LRRC8B: variants seen among roughly 807,000 people sequenced by gnomAD.
The protein encoded by LRRC8B is leucine rich repeat containing 8 VRAC subunit B, also known as volume-regulated anion channel subunit LRRC8B.
A neutral mutation model predicts 58.8 loss-of-function variants in LRRC8B; 23 were observed. The observed-to-expected ratio is 0.39, with a 90% CI of 0.28 to 0.55. The LOEUF (loss-of-function observed/expected upper bound fraction) is 0.55. Ranked by LOEUF, LRRC8B falls within the 20% of genes least tolerant of loss-of-function variation. LRRC8B has a pLI of 0.62. For synonymous variants in LRRC8B, 359 were observed against 374.1 expected (o/e 0.96, Z 0.47); for missense variants, 694 against 936.0 (o/e 0.74, Z 3.37).
chr1:89,554,825 T>C (rs1258611439), intron 1 of LRRC8B, among the ~76,000 whole-genome samples: 1 of 152,104 alleles, frequency 6.6e-6, no homozygotes, highest in Non-Finnish European at 1.5e-5. Flanking sequence ...AAAACTACAC[T>C]TGTAGTTTTC....
chr1:89,568,920 G>T (rs1653230820), intron 3 of LRRC8B, among the ~76,000 whole-genome samples: 1 of 152,106 alleles, frequency 6.6e-6, no homozygotes, highest in African/African-American at 2.4e-5. Context: ...TTAAGTAAAA[G>T]ATGGCCATAC....
At chr1:89,535,218 C>A (rs953294380) in intron 1 of LRRC8B, among the ~76,000 whole-genome samples, 2 of 152,066 alleles carry the variant, frequency 1.3e-5, no homozygotes, top group African/African-American at 4.8e-5. Flanking sequence ...CAATAAGACT[C>A]CCAAAACCCC....
At chr1:89,550,102 C>G (rs1158384797) in intron 1 of LRRC8B, 1 of 152,148 alleles carries the variant, frequency 6.6e-6, no homozygotes, top group Non-Finnish European at 1.5e-5. Flanking sequence ...GCTACCAAGT[C>G]CTTCTAAGGG....
rs568373880 is a variant in LRRC8B at position 89,564,139 on chromosome 1, T to G, written c.-240-4108T>G. Among the ~76,000 whole-genome samples the G allele has an allele frequency of 2.0e-5, 3 of 152,346 alleles. No homozygotes were observed. In the South Asian group the frequency reaches 6.2e-4, roughly 32 times the overall value. Reference sequence around the variant, plus strand: ...ACAGATTAAACTTGAGTTATTCATCTTGTTATTAAATTGTTGGTAAATGTT... The same window carrying G: ...ACAGATTAAACTTGAGTTATTCATCGTGTTATTAAATTGTTGGTAAATGTT... On this transcript the variant is annotated intron_variant, in intron 1 of 5. Transcript: ENST00000330947.
intron 3 of LRRC8B, among the ~76,000 whole-genome samples, chr1:89,573,359 A>G (rs1653609471): frequency 6.6e-6 from 1 of 151,690 alleles, no homozygotes; most frequent in Non-Finnish European, 1.5e-5. Context: ...GAATTTTTCC[A>G]TGGTTTTAAT....
Position 89,587,136 on chromosome 1 carries a change from A to G in LRRC8B, c.2139+2347A>G, listed in dbSNP as rs569573449. 2.5e-3 allele frequency among the ~76,000 whole-genome samples: 379 copies of G among 152,278 alleles called. 3 individuals are homozygous for G. The highest frequency in any genetic ancestry group is 8.0e-3 in the African/African-American group (332 of 41,574). ...CATTCAAAGATTGAATGAGCACTTGAGGAGGGAAAAGTCATTTTCTTATTA... is the reference window on the plus strand; with the variant it reads ...CATTCAAAGATTGAATGAGCACTTGGGGAGGGAAAAGTCATTTTCTTATTA... On this transcript the variant is annotated intron_variant, in intron 5 of 5. Transcript: ENST00000330947.
intron 1 of LRRC8B, among the ~76,000 whole-genome samples, chr1:89,545,591 A>AT (rs1421563314): frequency 1.3e-5 from 2 of 152,222 alleles, no homozygotes; most frequent in Non-Finnish European, 2.9e-5. Flanking sequence ...GTTGTGTCAA[A>AT]TTTTAATAAA....
chr1:89,579,044 T>C (rs1654048914), intron 3 of LRRC8B, among the ~76,000 whole-genome samples: 1 of 152,192 alleles, frequency 6.6e-6, no homozygotes, highest in African/African-American at 2.4e-5. Flanking sequence ...ATTGGTAGGC[T>C]AAATTTTAGG....
intron 1 of LRRC8B, among the ~76,000 whole-genome samples, chr1:89,530,385 A>T (rs1056361670): frequency 8.0e-5 from 11 of 138,126 alleles, no homozygotes; most frequent in South Asian, 2.5e-4. Flanking sequence ...AATAAATAAT[A>T]AATAAATAAA....
Position 89,592,969 on chromosome 1 carries a change from G to A in LRRC8B, c.2338G>A (p.Val780Ile). 1 of 1,614,110 alleles carries A rather than the reference G, an allele frequency of 6.2e-7. No homozygotes were observed. Among genetic ancestry groups the A allele is most frequent in the Non-Finnish European group, 8.5e-7 (1 of 1,179,962 alleles). ...GTCCCTAAAACGGAACTGTCTGATT[G>A]TTGAGGAGAACTTGCTCAATACTCT... ...CQSLKRNCLIVEENLLNTLPL... is the reference protein window; with the variant it reads ...CQSLKRNCLIIEENLLNTLPL... Residue 780 changes from valine to isoleucine, a missense_variant, in exon 6 of 6, where the codon GTT becomes ATT. Val to Ile is a conservative substitution (Grantham distance 29). Transcript: ENST00000330947.
chr1:89,583,844 G>C lies in LRRC8B; in HGVS notation c.1194G>C (p.Gln398His), dbSNP rs774895030. The C allele has an allele frequency of 1.2e-6, 2 of 1,614,148 alleles. No individual in the cohort carries two copies. The highest frequency in any genetic ancestry group is 1.7e-6 in the Non-Finnish European group (2 of 1,180,020). The change falls in exon 5 of 6, where the codon CAG (glutamine) becomes CAC (histidine). Residue 398 changes from glutamine (Q) to histidine (H), a missense_variant. Physicochemically the swap from Gln to His is conservative, Grantham distance 24. Around this residue, in one of 5 missense-constraint regions of LRRC8B, gnomAD observed 162 missense variants for 198.5 expected, o/e 0.82. Coordinates refer to ENST00000330947, the MANE Select transcript of LRRC8B (RefSeq NM_001369817.2). The surrounding 1 kb of genome is among the most constrained non-coding windows in gnomAD (Gnocchi z 5.2). Reference sequence around the variant, plus strand: ...AGGTCAGTGAGAACAAACTGAAACAGATCAACCTCAATAATGAATGGACAG... The same window carrying C: ...AGGTCAGTGAGAACAAACTGAAACACATCAACCTCAATAATGAATGGACAG... ...LSEVSENKLK[Q>H]INLNNEWTVE...
intron 4 of LRRC8B, among the ~76,000 whole-genome samples, 168 bp downstream of exon 4, chr1:89,579,856 TG>T (rs1158828148): frequency 6.6e-6 from 1 of 152,218 alleles, no homozygotes; most frequent in Non-Finnish European, 1.5e-5. Flanking sequence ...TCAGGACCTT[TG>T]AGAGGACAAA....
At chr1:89,551,308 C>G (rs1651790639) in intron 1 of LRRC8B, among the ~76,000 whole-genome samples, 1 of 152,186 alleles carries the variant, frequency 6.6e-6, no homozygotes, top group Non-Finnish European at 1.5e-5. Flanking sequence ...GGATCAAGCT[C>G]TTGCTCACCA....
intron 1 of LRRC8B, among the ~76,000 whole-genome samples, chr1:89,563,196 C>G (rs1283608522): frequency 2.0e-5 from 3 of 151,944 alleles, no homozygotes; most frequent in Admixed American, 1.3e-4. Context: ...ACAAAATTTA[C>G]TTTTTAAACT....
At chr1:89,577,266 C>G (rs1418610007) in intron 3 of LRRC8B, among the ~76,000 whole-genome samples, 1 of 152,108 alleles carries the variant, frequency 6.6e-6, no homozygotes, top group Non-Finnish European at 1.5e-5. Flanking sequence ...TTTAGAAATG[C>G]TTTCAAAGTA....
In LRRC8B at chr1:89,582,753, A is replaced by C. The variant is rs1224914204; in HGVS notation, c.103A>C (p.Met35Leu). The C allele has an allele frequency of 6.2e-7, 1 of 1,614,212 alleles. No individual in the cohort carries two copies. Among genetic ancestry groups the C allele is most frequent in the Non-Finnish European group, 8.5e-7 (1 of 1,180,032 alleles). Reference sequence around the variant, plus strand: ...CTTCTGGTATTACATCACACTGATCATGCTGCTGGTGGCCGTGCTGGCCGG... The same window carrying C: ...CTTCTGGTATTACATCACACTGATCCTGCTGCTGGTGGCCGTGCTGGCCGG... ...DVFWYYITLI[M>L]LLVAVLAGAL... Residue 35 changes from methionine to leucine, a missense_variant, in exon 5 of 6, where the codon ATG (methionine) becomes CTG (leucine). Coordinates refer to ENST00000330947, the MANE Select transcript of LRRC8B (RefSeq NM_001369817.2).
intron 1 of LRRC8B, among the ~76,000 whole-genome samples, chr1:89,541,665 C>T (rs1359200150): frequency 4.7e-5 from 6 of 126,846 alleles, no homozygotes; most frequent in African/African-American, 1.8e-4. Flanking sequence ...GAGCCGAGAT[C>T]CCGCCACTGC....
intron 3 of LRRC8B, among the ~76,000 whole-genome samples, chr1:89,577,200 A>G (rs1653919658): frequency 6.6e-6 from 1 of 152,202 alleles, no homozygotes; most frequent in Non-Finnish European, 1.5e-5. Context: ...TCTTCTCAGT[A>G]TATAATGACA....
At chr1:89,587,788 C>G (rs985918711) in intron 5 of LRRC8B, 2 of 152,200 alleles carry the variant, frequency 1.3e-5, no homozygotes, top group Non-Finnish European at 2.9e-5. Context: ...GAAAAGATTG[C>G]AAAACCAAGC....
Sources: allele counts gnomAD v4.1 joint callset (sites outside exome capture counted in the v4.1 genomes callset), GRCh38; gene constraint gnomAD v4.1.1; regional missense constraint gnomAD v4.1.1; non-coding constraint Gnocchi (gnomAD v3.1); transcripts MANE v1.5; gene names NCBI Gene and HGNC (gene_info 2026-07-23, HGNC 2026-07-21).